Variants in CCDC6 observed in about 807,000 individuals in gnomAD.
The protein encoded by CCDC6 is coiled-coil domain-containing protein 6.
CCDC6 carries 20 observed loss-of-function variants against 56.6 expected under a neutral mutation model. That is an observed-to-expected ratio of 0.35 (90% CI 0.25 to 0.51). The LOEUF (loss-of-function observed/expected upper bound fraction) is 0.51, where lower values mean the gene tolerates loss of function less well. CCDC6 is among the 20% of genes least tolerant of loss of function. The pLI is 0.95. For missense variants in CCDC6, 367 were observed against 601.1 expected, an observed-to-expected ratio of 0.61 and a Z score of 4.07; for synonymous variants, 241 against 234.4, an observed-to-expected ratio of 1.03 and a Z score of -0.26.
At chr10:59,795,690 T>C (rs1444097983) in intron 7 of CCDC6, among the ~76,000 whole-genome samples, 1 of 144,384 alleles carries the variant, frequency 6.9e-6, no homozygotes, top group African/African-American at 2.6e-5. Flanking sequence ...TGTGTTCTCA[T>C]TGTTCAATTC....
In CCDC6 at chr10:59,879,326, C is replaced by T. The variant is rs141132856; in HGVS notation, c.304-26624G>A. Among the ~76,000 whole-genome samples the T allele has an allele frequency of 7.9e-3, 1,198 of 152,068 alleles. 11 individuals carry two copies. Among genetic ancestry groups the T allele is most frequent in the African/African-American group, 0.027 (1,121 of 41,480 alleles). ...AAGTTCAATCCCATTTTAAGAACACCCATATTATAAACTATAGATTTATGA... is the reference window on the plus strand; with the variant it reads ...AAGTTCAATCCCATTTTAAGAACACTCATATTATAAACTATAGATTTATGA... On this transcript the variant is annotated intron_variant, in intron 1 of 8. Coordinates refer to ENST00000263102, the MANE Select transcript of CCDC6 (RefSeq NM_005436.5).
At chr10:59,894,351 C>T (rs1019705431) in intron 1 of CCDC6, among the ~76,000 whole-genome samples, 3 of 152,146 alleles carry the variant, frequency 2.0e-5, no homozygotes, top group Admixed American at 6.5e-5. Flanking sequence ...GGGAGGAGTG[C>T]CTTGTCCAAT....
At chr10:59,831,435 T>C (rs1400568384) in intron 3 of CCDC6, among the ~76,000 whole-genome samples, 1 of 152,230 alleles carries the variant, frequency 6.6e-6, no homozygotes, top group Non-Finnish European at 1.5e-5. Context: ...GATCACTGTT[T>C]CATTCTCAGG....
intron 2 of CCDC6, among the ~76,000 whole-genome samples, chr10:59,844,369 G>C (rs2070970107): frequency 6.6e-6 from 1 of 150,486 alleles, no homozygotes; most frequent in African/African-American, 2.5e-5. Context: ...ATTTCCAGGA[G>C]CATGATGCCA....
intron 1 of CCDC6, among the ~76,000 whole-genome samples, chr10:59,882,690 G>C (rs1281830310): frequency 7.0e-6 from 1 of 143,204 alleles, no homozygotes; most frequent in East Asian, 2.2e-4. Context: ...GCCAGGAGCA[G>C]TGGCTCACGC....
At chr10:59,894,446 C>T (rs1019149234) in intron 1 of CCDC6, among the ~76,000 whole-genome samples, 6 of 152,214 alleles carry the variant, frequency 3.9e-5, no homozygotes, top group African/African-American at 7.2e-5. Flanking sequence ...CCAGAGCCTG[C>T]GCTCTCTAAC....
At chr10:59,825,381 C>T (rs2070780007) in intron 3 of CCDC6, among the ~76,000 whole-genome samples, 2 of 152,208 alleles carry the variant, frequency 1.3e-5, no homozygotes. Context: ...ACATGCTCCT[C>T]CTTGCCTTCT....
chr10:59,857,666 T>A (rs2071091036), intron 1 of CCDC6, among the ~76,000 whole-genome samples: 2 of 151,630 alleles, frequency 1.3e-5, no homozygotes, highest in Admixed American at 1.3e-4. Context: ...AGATAACACA[T>A]TTGCACAGAT....
chr10:59,905,614 C>A (rs1465030797), intron 1 of CCDC6, among the ~76,000 whole-genome samples: 2 of 152,236 alleles, frequency 1.3e-5, no homozygotes, highest in South Asian at 4.1e-4. Flanking sequence ...CTCTCCCGCC[C>A]CCTCCCCGGG....
At chr10:59,827,708 A>G (rs570258693) in intron 3 of CCDC6, among the ~76,000 whole-genome samples, 39 of 152,330 alleles carry the variant, frequency 2.6e-4, no homozygotes, top group African/African-American at 8.4e-4. Context: ...TTTTAGTGCT[A>G]TGGAAGAAGG....
chr10:59,794,441 A>G lies in CCDC6; in HGVS notation c.1230+32T>C, dbSNP rs781486348. On this transcript the variant is annotated intron_variant, in intron 8 of 8. Transcript: ENST00000263102. ...ACCAGTCGGTACCACTTTCAGGAGT[A>G]AAGTGCTGCTTCCTACCCCACGGAC... The G allele has an allele frequency of 5.0e-6, 8 of 1,612,004 alleles. No individual in the cohort carries two copies. In the Admixed American group the frequency reaches 1.3e-4, roughly 27 times the overall value.
intron 1 of CCDC6, among the ~76,000 whole-genome samples, chr10:59,876,630 C>A (rs1424167936): frequency 6.7e-6 from 1 of 148,604 alleles, no homozygotes; most frequent in Non-Finnish European, 1.5e-5. Flanking sequence ...AGTAGCCCTG[C>A]TTCCAAACTG....
At chr10:59,811,790 G>A (rs2070674722) in intron 5 of CCDC6, among the ~76,000 whole-genome samples, 1 of 152,034 alleles carries the variant, frequency 6.6e-6, no homozygotes, top group East Asian at 1.9e-4. Flanking sequence ...CTTTGGTTGT[G>A]GATGCAGAAC....
chr10:59,882,682 CAGG>C (rs1162119679), intron 1 of CCDC6, among the ~76,000 whole-genome samples: 1 of 127,328 alleles, frequency 7.9e-6, no homozygotes, highest in East Asian at 2.7e-4. Flanking sequence ...TGAAACTGGC[CAGG>C]AGCAGTGGCT....
At chr10:59,860,379 C>T (rs971740889) in intron 1 of CCDC6, among the ~76,000 whole-genome samples, 1 of 152,106 alleles carries the variant, frequency 6.6e-6, no homozygotes, top group African/African-American at 2.4e-5. Context: ...GACCCAGGTA[C>T]CAGGGCCTAC....
At chr10:59,900,488 C>T (rs1025076216) in intron 1 of CCDC6, among the ~76,000 whole-genome samples, 3 of 152,176 alleles carry the variant, frequency 2.0e-5, no homozygotes, top group Non-Finnish European at 4.4e-5. Context: ...AGAATGCACA[C>T]TGGGCTAAAC....
chr10:59,808,934 G>C (rs1281269836), intron 5 of CCDC6, among the ~76,000 whole-genome samples: 3 of 152,100 alleles, frequency 2.0e-5, no homozygotes, highest in Non-Finnish European at 4.4e-5. Flanking sequence ...ACACTATTAC[G>C]TGCACTAAAC....
At chr10:59,844,662 AGAATCACTT>A (rs3974335) in intron 2 of CCDC6, among the ~76,000 whole-genome samples, 76,175 of 148,886 alleles carry the variant, frequency 0.51, 21,246 homozygotes, top group African/African-American at 0.75. Flanking sequence ...CTGAGGCATG[AGAATCACTT>A]GAATCACTTG....
rs55812153 is a variant in CCDC6, at chr10:59,874,118, A to AACACACACACACACAC, written c.304-21432_304-21417dup. The stretch of plus-strand genomic sequence containing the variant: ...CATTTCCTTACACATTTACCTAGCA[A>AACACACACACACACAC]ACACACACACACACACACACACACA... On this transcript the variant is annotated intron_variant, in intron 1 of 8. Transcript: ENST00000263102. Among the ~76,000 whole-genome samples, 926 of 148,676 alleles carry AACACACACACACACAC rather than the reference A, an allele frequency of 6.2e-3. 8 individuals carry two copies. Among genetic ancestry groups the AACACACACACACACAC allele is most frequent in the African/African-American group, 8.9e-3 (357 of 40,242 alleles).
Sources: allele counts gnomAD v4.1 joint callset (sites outside exome capture counted in the v4.1 genomes callset), GRCh38; gene constraint gnomAD v4.1.1; transcripts MANE v1.5; gene names NCBI Gene and HGNC (gene_info 2026-07-23, HGNC 2026-07-21).